Variants in CFAP58 observed in about 807,000 individuals in gnomAD.
CFAP58 encodes the protein cilia and flagella associated protein 58.
CFAP58 carries 88 observed loss-of-function variants against 119.5 expected under a neutral mutation model. The ratio of observed to expected loss-of-function variants is 0.74; its 90% confidence interval spans 0.62 to 0.88. CFAP58 has a LOEUF of 0.88. Ranked by LOEUF, CFAP58 falls within the 40% of genes least tolerant of loss-of-function variation. The pLI is 0.00. For synonymous variants in CFAP58, 365 were observed against 366.3 expected (o/e 1.00, Z 0.04); for missense variants, 990 against 1,021.2 (o/e 0.97, Z 0.42).
chr10:104,386,238 A>C (rs1366468925), intron 9 of CFAP58, among the ~76,000 whole-genome samples: 1 of 149,398 alleles, frequency 6.7e-6, no homozygotes. Context: ...ATTAGCTGGG[A>C]GTGGTGGTGG....
intron 15 of CFAP58, among the ~76,000 whole-genome samples, chr10:104,417,180 G>T (rs79639697): frequency 0.02 from 2,990 of 152,354 alleles, 110 homozygotes; most frequent in African/African-American, 0.068. Flanking sequence ...AGCAACAGCT[G>T]TGGTGCTGGT....
intron 15 of CFAP58, among the ~76,000 whole-genome samples, chr10:104,440,505 TC>T (rs1841304546): frequency 6.6e-6 from 1 of 152,082 alleles, no homozygotes; most frequent in South Asian, 2.1e-4. Context: ...TTGAGCCCTC[TC>T]CAGTCCAAAC....
chr10:104,359,565 G>A (rs2014639280), intron 2 of CFAP58, among the ~76,000 whole-genome samples: 1 of 152,258 alleles, frequency 6.6e-6, no homozygotes, highest in South Asian at 2.1e-4. Context: ...CACTCTGGGA[G>A]GCCGAGGTGG....
intron 15 of CFAP58, among the ~76,000 whole-genome samples, chr10:104,438,354 TTTTTTTGTTTTTTTTTTTTG>T (rs2012973347): frequency 2.7e-5 from 1 of 36,992 alleles, no homozygotes; most frequent in Admixed American, 2.1e-4. Flanking sequence ...TTTTGTTTTT[TTTTTTTGTTTTTTTTTTTTG>T]TTTTTTTTTT....
chr10:104,376,511 A>G (rs2011665896), intron 7 of CFAP58, among the ~76,000 whole-genome samples: 1 of 151,176 alleles, frequency 6.6e-6, no homozygotes. Context: ...TCAAAAAAAA[A>G]AAAAAAAAAA....
At chr10:104,354,238 A>G (rs1390343983) in intron 1 of CFAP58, among the ~76,000 whole-genome samples, 1 of 152,178 alleles carries the variant, frequency 6.6e-6, no homozygotes, top group Non-Finnish European at 1.5e-5. Context: ...AGAGGCTCAC[A>G]CAGAAATATT....
chr10:104,431,145 T>A (rs1416763180), intron 15 of CFAP58, among the ~76,000 whole-genome samples: 1 of 152,240 alleles, frequency 6.6e-6, no homozygotes, highest in East Asian at 1.9e-4. Flanking sequence ...AGTTGTTTAG[T>A]CAGTTACATT....
chr10:104,447,793 G>A lies in CFAP58; in HGVS notation c.2352G>A (p.Leu784=), dbSNP rs1384989917. 3.1e-6 allele frequency: 5 copies of A among 1,613,688 alleles called. No homozygotes were observed. In the Admixed American group the frequency reaches 6.7e-5, roughly 22 times the overall value. The change falls in exon 16 of 18, where the codon CTG becomes CTA. Residue 784 remains leucine (L), a synonymous_variant. Coordinates refer to ENST00000369704, the MANE Select transcript of CFAP58 (RefSeq NM_001008723.2). Reference sequence around the variant, plus strand: ...AGCTGAAGCTGTACCGACGCACGCTGCATGACAAGAAGCAGCAGCTGAAAG... The same window carrying A: ...AGCTGAAGCTGTACCGACGCACGCTACATGACAAGAAGCAGCAGCTGAAAG... ...AEQLKLYRRT[L]HDKKQQLKVL...
intron 1 of CFAP58, among the ~76,000 whole-genome samples, chr10:104,354,575 C>T (rs188845817): frequency 3.3e-5 from 5 of 152,188 alleles, no homozygotes; most frequent in East Asian, 1.9e-4. Context: ...CCTCAAGAGC[C>T]TCGGGTCCCT....
chr10:104,441,116 C>T (rs1246548226), intron 15 of CFAP58, among the ~76,000 whole-genome samples: 1 of 152,204 alleles, frequency 6.6e-6, no homozygotes, highest in Non-Finnish European at 1.5e-5. Context: ...GATTCTCCTG[C>T]CTCAGCCTCC....
chr10:104,394,446 T>C (rs539330378), intron 11 of CFAP58, among the ~76,000 whole-genome samples: 1 of 152,340 alleles, frequency 6.6e-6, no homozygotes, highest in East Asian at 1.9e-4. Flanking sequence ...GTCACTGTCT[T>C]GAAAATTTAT....
chr10:104,373,683 A>G lies in CFAP58; in HGVS notation c.1090+2629A>G, dbSNP rs182299293. Reference sequence around the variant, plus strand: ...CAGTGAGTTATGTTGTATGGGACTCAAAAATTGATTCTAGAGTTCCTCCAG... The same window carrying G: ...CAGTGAGTTATGTTGTATGGGACTCGAAAATTGATTCTAGAGTTCCTCCAG... On this transcript the variant is annotated intron_variant, in intron 7 of 17. Transcript: ENST00000369704. Among the ~76,000 whole-genome samples, 11 of 152,302 alleles carry G rather than the reference A, an allele frequency of 7.2e-5. No individual in the cohort carries two copies. The East Asian group carries it at 2.1e-3, about 29-fold the overall frequency.
chr10:104,370,567 G>A (rs956556372), intron 6 of CFAP58, among the ~76,000 whole-genome samples: 8 of 152,286 alleles, frequency 5.3e-5, no homozygotes, highest in East Asian at 1.9e-4. Context: ...ACCTCCCATC[G>A]GGTTCCTCCC....
Position 104,450,283 on chromosome 10 carries a change from G to A in CFAP58, c.2510+79G>A, listed in dbSNP as rs1223173534. 9.5e-6 allele frequency: 14 copies of A among 1,476,530 alleles called. No homozygotes were observed. The East Asian group carries it at 2.9e-4, about 31-fold the overall frequency. 91.5% of individuals were successfully genotyped at this position (1,476,530 alleles called of 1,614,324 possible). A position where few individuals can be genotyped will look rare whatever the true frequency, so the allele number is the denominator to read the frequency against. On this transcript the variant is annotated intron_variant, in intron 17 of 17. Coordinates refer to ENST00000369704, the MANE Select transcript of CFAP58 (RefSeq NM_001008723.2). ...AAAATATTTGGTGAACAGTCACAGA[G>A]TTGCAAGTTTCACTGGGGTAAACTA...
At chr10:104,427,367 C>T (rs1057249753) in intron 15 of CFAP58, among the ~76,000 whole-genome samples, 3 of 152,126 alleles carry the variant, frequency 2.0e-5, no homozygotes, top group African/African-American at 7.2e-5. Context: ...CATGGTCTGA[C>T]TCTTAATCTA....
upstream of CFAP58, chr10:104,353,617 C>T (rs541891967): frequency 2.2e-6 from 1 of 463,270 alleles, no homozygotes; most frequent in African/African-American, 1.9e-5. Context: ...GCACCGCCCC[C>T]TCACTTCCTT....
At chr10:104,443,785 C>G (rs1027898843) in intron 15 of CFAP58, among the ~76,000 whole-genome samples, 2 of 152,124 alleles carry the variant, frequency 1.3e-5, no homozygotes, top group Non-Finnish European at 2.9e-5. Flanking sequence ...ATAGGCTGTT[C>G]AGAATATGTC....
chr10:104,392,435 T>C (rs1248246850), intron 10 of CFAP58, 41 bp downstream of exon 10: 1 of 1,383,808 alleles, frequency 7.2e-7, no homozygotes, highest in East Asian at 2.5e-5. Flanking sequence ...GATTTATTTT[T>C]ACCCTGCATT....
intron 15 of CFAP58, among the ~76,000 whole-genome samples, chr10:104,440,923 C>G (rs1349329603): frequency 6.6e-6 from 1 of 152,126 alleles, no homozygotes; most frequent in East Asian, 1.9e-4. Flanking sequence ...TCTTTGGGAA[C>G]CTGGCATGAC....
Sources: gnomAD v4.1 joint callset for allele counts (sites outside exome capture counted in the v4.1 genomes callset) on GRCh38, gnomAD v4.1.1 for gene constraint, MANE v1.5 for transcripts, NCBI Gene and HGNC (gene_info 2026-07-23, HGNC 2026-07-21) for gene names.